The following APP variants were observed in gnomAD, a reference collection of about 807,000 sequenced individuals.
The protein encoded by APP is amyloid-beta precursor protein.
Under a neutral mutation model 101.4 loss-of-function variants are expected in APP, and 31 were observed. The observed-to-expected ratio is 0.31, with a 90% confidence interval of 0.23 to 0.41. The LOEUF is 0.41. Among genes scored for constraint, APP ranks in the 10% least tolerant of loss-of-function variants. The probability of loss-of-function intolerance (pLI) is 1.00; values close to 1 mark genes in which losing one functional copy is unlikely to be tolerated. For missense variants in APP, 839 were observed against 1,003.7 expected, an observed-to-expected ratio of 0.84 and a Z score of 2.22; for synonymous variants, 366 against 364.4, an observed-to-expected ratio of 1.00 and a Z score of -0.05.
intron 3 of APP, among the ~76,000 whole-genome samples, chr21:26,082,864 C>T (rs1487167814): frequency 6.6e-6 from 1 of 151,192 alleles, no homozygotes; most frequent in Non-Finnish European, 1.5e-5. Flanking sequence ...ACGTAACTGA[C>T]CTTTTATTGG....
At chr21:25,994,614 T>C (rs1320362649) in intron 8 of APP, among the ~76,000 whole-genome samples, 1 of 152,246 alleles carries the variant, frequency 6.6e-6, no homozygotes, top group Non-Finnish European at 1.5e-5. Flanking sequence ...ACATTTGTTA[T>C]TTGACTAGAA....
intron 3 of APP, among the ~76,000 whole-genome samples, chr21:26,066,232 C>T (rs774720426): frequency 1.2e-4 from 18 of 152,106 alleles, no homozygotes; most frequent in Non-Finnish European, 2.1e-4. Context: ...CTGTTCCTTC[C>T]GGCAGTAAGG....
intron 2 of APP, among the ~76,000 whole-genome samples, chr21:26,091,731 G>C (rs978349434): frequency 3.9e-5 from 6 of 152,068 alleles, no homozygotes; most frequent in Non-Finnish European, 8.8e-5. Context: ...GGGCTTTTAG[G>C]GAAGAGAAAG....
At chr21:26,124,314 C>T (rs1280431632) in intron 1 of APP, among the ~76,000 whole-genome samples, 1 of 152,150 alleles carries the variant, frequency 6.6e-6, no homozygotes, top group African/African-American at 2.4e-5. Context: ...TTTACCAATT[C>T]CTAAATACCA....
intron 1 of APP, among the ~76,000 whole-genome samples, chr21:26,130,857 C>T (rs914524593): frequency 3.9e-5 from 6 of 152,152 alleles, no homozygotes; most frequent in African/African-American, 1.4e-4. Context: ...AAAAATTCTG[C>T]TTCAAAAGCC....
chr21:26,013,058 T>A (rs1407273048), intron 6 of APP, among the ~76,000 whole-genome samples: 3 of 148,634 alleles, frequency 2.0e-5, no homozygotes, highest in African/African-American at 7.4e-5. Context: ...GGCTCACACC[T>A]GTAATGCTAG....
Position 25,880,705 on chromosome 21 carries a change from G to C in APP, c.*965C>G, listed in dbSNP as rs202141287. The C allele has an allele frequency of 2.0e-5, 3 of 152,110 alleles. No homozygotes were observed. The highest frequency in any genetic ancestry group is 4.4e-5 in the Non-Finnish European group (3 of 68,026). The allele number at this position is 152,110 out of a possible 1,614,324, so 9.4% of individuals were successfully genotyped here. A position where few individuals can be genotyped will look rare whatever the true frequency, so the allele number is the denominator to read the frequency against. On this transcript the variant is annotated 3_prime_UTR_variant, in exon 18 of 18. Coordinates refer to ENST00000346798, the MANE Select transcript of APP (RefSeq NM_000484.4). ...CTTTTGTATCATAAATGAAACTTCA[G>C]ACTGGTTAAAGAAAATTGAATCTGC...
intron 5 of APP, among the ~76,000 whole-genome samples, chr21:26,042,276 T>A (rs2045407515): frequency 1.3e-5 from 2 of 152,216 alleles, no homozygotes; most frequent in Non-Finnish European, 2.9e-5. Flanking sequence ...TCTCACCTAA[T>A]TTTAAAGACA....
intron 1 of APP, among the ~76,000 whole-genome samples, chr21:26,148,518 A>T (rs1230715985): frequency 6.6e-6 from 1 of 152,224 alleles, no homozygotes; most frequent in Non-Finnish European, 1.5e-5. Flanking sequence ...TCACAAACAA[A>T]ATGTATGTAG....
intron 1 of APP, among the ~76,000 whole-genome samples, chr21:26,123,919 TTC>T (rs905528503): frequency 1.3e-5 from 2 of 152,202 alleles, no homozygotes; most frequent in African/African-American, 4.8e-5. Context: ...CATCTAAGTT[TTC>T]TCTGTTTGAA....
At chr21:25,929,847 C>T (rs181669458) in intron 13 of APP, among the ~76,000 whole-genome samples, 2 of 152,262 alleles carry the variant, frequency 1.3e-5, no homozygotes, top group Admixed American at 6.5e-5. Context: ...TCTCCTGGAG[C>T]CTTCAGTGCT....
intron 17 of APP, among the ~76,000 whole-genome samples, chr21:25,887,540 A>ACAAAAAAAAAAAAAAAAAAC (rs2037414478): frequency 7.2e-6 from 1 of 139,272 alleles, no homozygotes. Context: ...AAAAAAAAAA[A>ACAAAAAAAAAAAAAAAAAAC]CAACAACTAG....
chr21:26,004,816 C>T (rs2043456772), intron 6 of APP, among the ~76,000 whole-genome samples: 2 of 147,660 alleles, frequency 1.4e-5, no homozygotes, highest in African/African-American at 5.0e-5. Flanking sequence ...CCCACCCCCC[C>T]AACAGGCCCT....
At chr21:26,159,989 GCCA>G (rs927628882) in intron 1 of APP, among the ~76,000 whole-genome samples, 4 of 152,124 alleles carry the variant, frequency 2.6e-5, no homozygotes, top group African/African-American at 4.8e-5. Flanking sequence ...TACCCTCTCT[GCCA>G]CCACAACATT....
chr21:26,027,981 G>A (rs570752441), intron 5 of APP, among the ~76,000 whole-genome samples: 5 of 151,926 alleles, frequency 3.3e-5, no homozygotes, highest in African/African-American at 1.2e-4. Flanking sequence ...GATCACTTGG[G>A]GCCAGGAGTT....
chr21:26,140,207 A>T, intron 1 of APP: 1 of 1,536,144 alleles, frequency 6.5e-7, no homozygotes, highest in Non-Finnish European at 8.7e-7. Context: ...GAATCTGGGG[A>T]AGAGCTGGCT....
At chr21:25,956,637 G>A (rs2041334727) in intron 11 of APP, among the ~76,000 whole-genome samples, 1 of 152,166 alleles carries the variant, frequency 6.6e-6, no homozygotes, top group Admixed American at 6.5e-5. Context: ...GGTCATTTGG[G>A]CAAACCTAGC....
In APP at chr21:25,891,882, TAAG is replaced by T. The variant is rs771951164; in HGVS notation, c.2065-17_2065-15del. The stretch of plus-strand genomic sequence containing the variant: ...TGCAAAGAACACCTTGAAAACAAAT[TAAG>T]AAAAAGAATTTTAATTTCTAAATGC... On this transcript the variant is annotated splice_polypyrimidine_tract_variant and intron_variant, in intron 16 of 17. Transcript: ENST00000346798. The T allele has an allele frequency of 3.1e-6, 5 of 1,611,128 alleles. No homozygotes were observed. The highest frequency in any genetic ancestry group is 2.2e-5 in the South Asian group (2 of 90,858).
chr21:26,087,931 T>G (rs972283752), intron 3 of APP, among the ~76,000 whole-genome samples: 1 of 152,260 alleles, frequency 6.6e-6, no homozygotes, highest in Non-Finnish European at 1.5e-5. Flanking sequence ...TGACTTGATA[T>G]TGAGATCTGA....
Sources: gnomAD v4.1 joint callset for allele counts (sites outside exome capture counted in the v4.1 genomes callset) on GRCh38, gnomAD v4.1.1 for gene constraint, MANE v1.5 for transcripts, NCBI Gene and HGNC (gene_info 2026-07-23, HGNC 2026-07-21) for gene names.